Variants in ITGAE observed in about 807,000 individuals in gnomAD.
ITGAE encodes the protein integrin alpha-E.
ITGAE carries 99 observed loss-of-function variants against 136.5 expected under a neutral mutation model. That is an observed-to-expected ratio of 0.73 (90% CI 0.62 to 0.86). The LOEUF (loss-of-function observed/expected upper bound fraction) is 0.86, where lower values mean the gene tolerates loss of function less well. ITGAE is among the 40% of genes least tolerant of loss of function. The probability of loss-of-function intolerance (pLI) is 0.00; values close to 1 mark genes in which losing one functional copy is unlikely to be tolerated. For missense variants in ITGAE, 1,447 were observed against 1,515.3 expected (o/e 0.95, Z 0.75); for synonymous variants, 613 against 591.8 (o/e 1.04, Z -0.52).
intron 8 of ITGAE, among the ~76,000 whole-genome samples, chr17:3,759,173 C>A (rs1485581528): frequency 6.6e-6 from 1 of 152,036 alleles, no homozygotes; most frequent in Admixed American, 6.6e-5. Context: ...TGAACCCAGC[C>A]AGCCTGTCCA....
intron 29 of ITGAE, among the ~76,000 whole-genome samples, chr17:3,718,984 C>G (rs1386401045): frequency 6.6e-6 from 1 of 152,000 alleles, no homozygotes; most frequent in Non-Finnish European, 1.5e-5. Context: ...GTAATCCCAG[C>G]ACTTTGGGAG....
In ITGAE at chr17:3,728,609, G is replaced by A. The variant is rs186932699; in HGVS notation, c.2913-441C>T. The A allele has an allele frequency of 9.5e-3, 1,549 of 163,392 alleles. 25 individuals are homozygous for A. The highest frequency in any genetic ancestry group is 0.036 in the African/African-American group (1,455 of 40,132). 10.1% of individuals were successfully genotyped at this position (163,392 alleles called of 1,614,324 possible). ...GCTGGTCTTGAACTCCTGACCTCAG[G>A]TGATCCACCCACCTCAGCCTCCCAA... On this transcript the variant is annotated intron_variant, in intron 24 of 30. Coordinates refer to ENST00000263087, the MANE Select transcript of ITGAE (RefSeq NM_002208.5).
intron 20 of ITGAE, among the ~76,000 whole-genome samples, chr17:3,738,151 CT>C (rs2051501955): frequency 6.6e-6 from 1 of 152,110 alleles, no homozygotes; most frequent in Non-Finnish European, 1.5e-5. Context: ...GCCAAGGACG[CT>C]TGTTTGTTTT....
At chr17:3,733,847 G>T (rs1218050180) in intron 21 of ITGAE, among the ~76,000 whole-genome samples, 2 of 152,202 alleles carry the variant, frequency 1.3e-5, no homozygotes, top group African/African-American at 2.4e-5. Context: ...AGGGCTGAGT[G>T]TCAAGGAGTC....
At chr17:3,756,049 C>T (rs983406897) in intron 10 of ITGAE, 152 bp from the exon 11 acceptor site, 1 of 659,210 alleles carries the variant, frequency 1.5e-6, no homozygotes, top group Non-Finnish European at 2.6e-6. Context: ...CCCAGGTTCT[C>T]CTTGAGCAAC....
At chr17:3,734,457 G>A (rs1417907354) in intron 21 of ITGAE, among the ~76,000 whole-genome samples, 1 of 152,230 alleles carries the variant, frequency 6.6e-6, no homozygotes, top group Admixed American at 6.5e-5. Flanking sequence ...TCGGGAAACA[G>A]ACTGTTTCCT....
At chr17:3,727,218 G>A (rs1419619540) in intron 26 of ITGAE, among the ~76,000 whole-genome samples, 1 of 152,106 alleles carries the variant, frequency 6.6e-6, no homozygotes, top group Non-Finnish European at 1.5e-5. Flanking sequence ...ACAACTGAAA[G>A]CAAAGAGGCT....
rs935457729 is a variant in ITGAE, at chr17:3,798,863, T to C, written c.34+2248A>G. Among the ~76,000 whole-genome samples the C allele has an allele frequency of 6.6e-6, 1 of 152,156 alleles. No homozygotes were observed. The highest frequency in any genetic ancestry group is 2.4e-5 in the African/African-American group (1 of 41,434). On this transcript the variant is annotated intron_variant, in intron 1 of 30. Transcript: ENST00000263087. This position sits in a 1 kb window ranked among gnomAD's most constrained non-coding sequence, Gnocchi z 4.3. ...ACAGGGTAAGAGGGCATGATGGGGCTGGTGGTCAGGGTGTGGACAGTTCCA... is the reference window on the plus strand; with the variant it reads ...ACAGGGTAAGAGGGCATGATGGGGCCGGTGGTCAGGGTGTGGACAGTTCCA...
At chr17:3,774,663 G>T (rs1197342515) in intron 2 of ITGAE, among the ~76,000 whole-genome samples, 1 of 152,158 alleles carries the variant, frequency 6.6e-6, no homozygotes, top group South Asian at 2.1e-4. Context: ...TACTCAGGAG[G>T]CTGAGGCAGG....
rs1283439549 is a variant in ITGAE at position 3,798,341 on chromosome 17, T to C, written c.34+2770A>G. On this transcript the variant is annotated intron_variant, in intron 1 of 30. Transcript: ENST00000263087. The surrounding 1 kb of genome is among the most constrained non-coding windows in gnomAD (Gnocchi z 4.3). ...CTGCCCGCACCTCCAGGGCCCAGCA[T>C]GTCCCGATTTGGGGCGGGGCTGGAA... Among the ~76,000 whole-genome samples the C allele has an allele frequency of 6.6e-6, 1 of 152,160 alleles. No homozygotes were observed. The highest frequency in any genetic ancestry group is 1.9e-4 in the East Asian group (1 of 5,194).
At chr17:3,754,041 A>G in intron 12 of ITGAE, 116 bp from the exon 13 acceptor site, 2 of 1,150,000 alleles carry the variant, frequency 1.7e-6, no homozygotes, top group Admixed American at 2.4e-5. Flanking sequence ...GGGGCAAAAT[A>G]GGAGAGACTG....
chr17:3,731,602 A>G (rs1010555432), intron 22 of ITGAE, among the ~76,000 whole-genome samples: 28 of 151,138 alleles, frequency 1.9e-4, no homozygotes, highest in African/African-American at 6.8e-4. Flanking sequence ...TCGGTCTCCC[A>G]AAGTGCTGGG....
In ITGAE at chr17:3,801,076, A is replaced by C. The variant is rs772798676; in HGVS notation, c.34+35T>G. ...GACACCTGGCTGGAGCTGAGGGCAC[A>C]GCAGCCCCTCGAAGCAGCGGGTGAG... On this transcript the variant is annotated intron_variant, in intron 1 of 30. Transcript: ENST00000263087. 1.3e-5 allele frequency: 21 copies of C among 1,611,298 alleles called. No homozygotes were observed. The Admixed American group carries it at 3.3e-4, about 26-fold the overall frequency.
In ITGAE at chr17:3,724,456, C is replaced by T. The variant is rs751501342; in HGVS notation, c.3085-712G>A. On this transcript the variant is annotated intron_variant, in intron 26 of 30. Transcript: ENST00000263087. ...GCCTCCCTGTTCAGCTCTCTGGCCTCGCCCTGCCCCGGGTCCCCAACGCCA... is the reference window on the plus strand; with the variant it reads ...GCCTCCCTGTTCAGCTCTCTGGCCTTGCCCTGCCCCGGGTCCCCAACGCCA... 6.8e-6 allele frequency: 11 copies of T among 1,613,658 alleles called. No homozygotes were observed. In the South Asian group the frequency reaches 9.9e-5, roughly 14 times the overall value.
chr17:3,724,831 C>T (rs1334947948), intron 26 of ITGAE: 1 of 1,614,156 alleles, frequency 6.2e-7, no homozygotes. Context: ...GGCCAGGACT[C>T]TTGTCAAGAG....
At chr17:3,735,288 C>T (rs1301876052) in intron 20 of ITGAE, among the ~76,000 whole-genome samples, 1 of 152,250 alleles carries the variant, frequency 6.6e-6, no homozygotes, top group Non-Finnish European at 1.5e-5. Context: ...CCGTCTCAGC[C>T]TCCTGAGTAG....
At chr17:3,751,964 G>T (rs1439799923) in intron 14 of ITGAE, 90 bp from the exon 15 acceptor site, 3 of 1,145,920 alleles carry the variant, frequency 2.6e-6, no homozygotes, top group Non-Finnish European at 3.9e-6. Context: ...TGGGCCGGTG[G>T]GTGCCCACTC....
intron 26 of ITGAE, chr17:3,725,682 A>G (rs1484393522): frequency 1.3e-6 from 2 of 1,583,668 alleles, no homozygotes; most frequent in South Asian, 1.2e-5. Flanking sequence ...CTATAATTCA[A>G]CCAAAGGCTC....
intron 20 of ITGAE, among the ~76,000 whole-genome samples, chr17:3,737,474 G>A (rs1272360345): frequency 2.0e-5 from 3 of 150,184 alleles, no homozygotes; most frequent in Admixed American, 2.0e-4. Context: ...GTGGCTGAGT[G>A]GTGCCATTGA....
Sources: gnomAD v4.1 joint callset for allele counts (sites outside exome capture counted in the v4.1 genomes callset) on GRCh38, gnomAD v4.1.1 for gene constraint, Gnocchi (gnomAD v3.1) non-coding constraint, MANE v1.5 for transcripts, NCBI Gene and HGNC (gene_info 2026-07-23, HGNC 2026-07-21) for gene names.